Variants in VPS13C observed in about 807,000 individuals in gnomAD.
VPS13C encodes vacuolar protein sorting 13 homolog C.
In VPS13C, 358 loss-of-function variants were observed where a neutral mutation model predicts 456.8. The observed-to-expected ratio is 0.78, with a 90% confidence interval of 0.72 to 0.86. The LOEUF (loss-of-function observed/expected upper bound fraction) is 0.86. VPS13C is among the 40% of genes least tolerant of loss of function. The pLI, the probability that VPS13C is intolerant of heterozygous loss-of-function variation, is 0.00. For synonymous variants in VPS13C, 1,578 were observed against 1,486.7 expected, an observed-to-expected ratio of 1.06 and a Z score of -1.41; for missense variants, 4,818 against 4,385.4, an observed-to-expected ratio of 1.10 and a Z score of -2.79.
chr15:62,028,246 A>G, intron 6 of VPS13C, 112 bp downstream of exon 6: 1 of 1,139,874 alleles, frequency 8.8e-7, no homozygotes, highest in Admixed American at 2.0e-5. Flanking sequence ...CAAAAATTGC[A>G]TTTCCATATT....
chr15:62,016,270 T>A (rs993342960), intron 9 of VPS13C, among the ~76,000 whole-genome samples: 1 of 150,980 alleles, frequency 6.6e-6, no homozygotes, highest in Non-Finnish European at 1.5e-5. Flanking sequence ...TTATTTTATA[T>A]ATATATATAT....
chr15:61,914,144 T>C (rs1329434321), intron 61 of VPS13C, among the ~76,000 whole-genome samples: 1 of 152,106 alleles, frequency 6.6e-6, no homozygotes, highest in Non-Finnish European at 1.5e-5. Flanking sequence ...GCAATTACAA[T>C]ACCATGTGTT....
Position 61,945,743 on chromosome 15 carries a change from TAAAC to T in VPS13C, c.5116_5119del (p.Val1706MetfsTer10), listed in dbSNP as rs757630901. 6 of 1,599,530 alleles carry T rather than the reference TAAAC, an allele frequency of 3.8e-6. No homozygotes were observed. Among genetic ancestry groups the T allele is most frequent in the East Asian group, 2.2e-5 (1 of 44,614 alleles). ...AAGAGACATGAAGAATTTATGAACATAAACAATCTGAATACAACCCACTTTAAAA... is the reference window on the plus strand; with the variant it reads ...AAGAGACATGAAGAATTTATGAACATAATCTGAATACAACCCACTTTAAAA... On this transcript the variant is annotated frameshift_variant, in exon 45 of 85. Transcript: ENST00000644861. LOFTEE classifies it high-confidence loss of function.
At chr15:61,978,888 A>T (rs1038589324) in intron 22 of VPS13C, 139 bp from the exon 23 acceptor site, 12 of 737,822 alleles carry the variant, frequency 1.6e-5, no homozygotes, top group Non-Finnish European at 2.4e-5. Context: ...ATGAATAAAC[A>T]TTTTAATTTT....
chr15:61,884,396 A>C, intron 67 of VPS13C, 127 bp from the exon 68 acceptor site: 1 of 995,864 alleles, frequency 1.0e-6, no homozygotes, highest in Middle Eastern at 2.6e-4. Flanking sequence ...GGACTTCTTA[A>C]AATAACGAAC....
intron 55 of VPS13C, among the ~76,000 whole-genome samples, chr15:61,921,708 T>C (rs2043662153): frequency 6.6e-6 from 1 of 152,142 alleles, no homozygotes; most frequent in South Asian, 2.1e-4. Flanking sequence ...AAATTCTCGT[T>C]TCTGTTCTGC....
intron 82 of VPS13C, among the ~76,000 whole-genome samples, chr15:61,857,606 A>G (rs1035007955): frequency 6.6e-6 from 1 of 152,176 alleles, no homozygotes; most frequent in African/African-American, 2.4e-5. Context: ...ATGACGTGAT[A>G]ATGTTCTTTC....
intron 53 of VPS13C, 90 bp from the exon 54 acceptor site, chr15:61,922,852 T>TCCC: frequency 1.0e-6 from 1 of 994,904 alleles, no homozygotes; most frequent in South Asian, 3.5e-5. Context: ...CATACATTAA[T>TCCC]TATAAGTGAC....
chr15:62,021,753 A>G (rs1348083194), intron 8 of VPS13C, among the ~76,000 whole-genome samples: 2 of 151,888 alleles, frequency 1.3e-5, no homozygotes, highest in African/African-American at 4.8e-5. Context: ...GATTTGTGGC[A>G]AAATATTTTC....
At chr15:61,980,463 A>C (rs1713487578) in intron 22 of VPS13C, among the ~76,000 whole-genome samples, 1 of 152,180 alleles carries the variant, frequency 6.6e-6, no homozygotes, top group African/African-American at 2.4e-5. Context: ...TTTTAGCAGA[A>C]AGACACCCAG....
chr15:61,929,389 A>T, intron 51 of VPS13C, 112 bp downstream of exon 51: 1 of 1,358,636 alleles, frequency 7.4e-7, no homozygotes, highest in Non-Finnish European at 9.8e-7. Flanking sequence ...GAATATGTTT[A>T]AATATAAAAG....
At chr15:61,936,435 A>G (rs777452822) in intron 48 of VPS13C, among the ~76,000 whole-genome samples, 162 bp downstream of exon 48, 1 of 152,254 alleles carries the variant, frequency 6.6e-6, no homozygotes, top group Non-Finnish European at 1.5e-5. Context: ...CCTGTAGCAG[A>G]GAACAGACAT....
At chr15:61,958,238 T>A (rs575072826) in intron 37 of VPS13C, among the ~76,000 whole-genome samples, 1 of 152,052 alleles carries the variant, frequency 6.6e-6, no homozygotes, top group African/African-American at 2.4e-5. Flanking sequence ...GATGTTTTAC[T>A]ACCAAGCCTT....
chr15:62,041,415 A>T (rs756923092), intron 2 of VPS13C, 49 bp from the exon 3 acceptor site: 2 of 1,552,614 alleles, frequency 1.3e-6, no homozygotes, highest in Non-Finnish European at 1.7e-6. Flanking sequence ...TATGAAGCCA[A>T]CCCAAAAATC....
Position 61,867,818 on chromosome 15 carries a change from A to G in VPS13C, c.10863+841T>C. The G allele has an allele frequency of 6.5e-7, 1 of 1,527,914 alleles. No individual in the cohort carries two copies. The highest frequency in any genetic ancestry group is 1.3e-5 in the South Asian group (1 of 78,870). The allele number at this position is 1,527,914 out of a possible 1,614,324, so 94.6% of individuals were successfully genotyped here. A position where few individuals can be genotyped will look rare whatever the true frequency, so the allele number is the denominator to read the frequency against. ...AAGTTCAGATGGAGGTGAGAGTTTT[A>G]AAGAAAATTTCATTAAAATTGACAA... On this transcript the variant is annotated intron_variant, in intron 81 of 84. Coordinates refer to ENST00000644861, the MANE Select transcript of VPS13C (RefSeq NM_020821.3). This position sits in a 1 kb window ranked among gnomAD's most constrained non-coding sequence, Gnocchi z 5.0.
chr15:61,885,920 AT>A (rs928547635), intron 67 of VPS13C, among the ~76,000 whole-genome samples: 2 of 152,148 alleles, frequency 1.3e-5, no homozygotes, highest in African/African-American at 4.8e-5. Flanking sequence ...ACTGAGCAGT[AT>A]TGGTAACATC....
chr15:61,881,655 A>T (rs1895859992), intron 70 of VPS13C, 23 bp from the exon 71 acceptor site: 1 of 1,577,510 alleles, frequency 6.3e-7, no homozygotes, highest in Non-Finnish European at 8.6e-7. Flanking sequence ...AGTAACACAT[A>T]AAAAAAAATA....
chr15:61,918,693 G>A (rs1371371802), intron 58 of VPS13C, among the ~76,000 whole-genome samples: 1 of 151,850 alleles, frequency 6.6e-6, no homozygotes, highest in Non-Finnish European at 1.5e-5. Flanking sequence ...CAAACTATAA[G>A]ATAACAATGT....
intron 35 of VPS13C, 123 bp downstream of exon 35, chr15:61,961,466 A>G: frequency 1.1e-6 from 1 of 933,016 alleles, no homozygotes; most frequent in Non-Finnish European, 1.5e-6. Context: ...CAATAAAAAA[A>G]ACTGTTCCGT....
Sources: gnomAD v4.1 joint callset for allele counts (sites outside exome capture counted in the v4.1 genomes callset) on GRCh38, gnomAD v4.1.1 for gene constraint, Gnocchi (gnomAD v3.1) non-coding constraint, MANE v1.5 for transcripts, NCBI Gene and HGNC (gene_info 2026-07-23, HGNC 2026-07-21) for gene names.